TTC34: variants seen among roughly 807,000 people sequenced by gnomAD.
TTC34 encodes the protein tetratricopeptide repeat protein 34.
A neutral mutation model predicts 40.7 loss-of-function variants in TTC34; 44 were observed. The observed-to-expected ratio is 1.08, with a 90% confidence interval of 0.85 to 1.39. The LOEUF (loss-of-function observed/expected upper bound fraction) is 1.39, where lower values mean the gene tolerates loss of function less well. Among genes scored for constraint, TTC34 ranks in the 40% most tolerant of loss-of-function variants. TTC34 has a pLI of 0.00. For synonymous variants in TTC34, 422 were observed against 398.6 expected, an observed-to-expected ratio of 1.06 and a Z score of -0.70; for missense variants, 884 against 838.0, an observed-to-expected ratio of 1.05 and a Z score of -0.68.
chr1:2,652,394 C>G (rs1487638525), intron 6 of TTC34, among the ~76,000 whole-genome samples: 1 of 149,514 alleles, frequency 6.7e-6, no homozygotes, highest in African/African-American at 2.5e-5. Context: ...CAGCCTGGAG[C>G]AGCACGCACA....
chr1:2,797,860 T>A (rs990195911), intron 2 of TTC34, among the ~76,000 whole-genome samples: 9 of 151,988 alleles, frequency 5.9e-5, no homozygotes, highest in African/African-American at 2.2e-4. Context: ...TTCCTGACCC[T>A]CCTTCTCTGT....
intron 6 of TTC34, among the ~76,000 whole-genome samples, chr1:2,687,163 A>G (rs1570816815): frequency 7.0e-6 from 1 of 142,158 alleles, no homozygotes; most frequent in South Asian, 2.1e-4. Flanking sequence ...CAGTACCCAC[A>G]CACACAGGCG....
At chr1:2,687,949 C>A (rs1384502170) in intron 6 of TTC34, among the ~76,000 whole-genome samples, 34 of 144,990 alleles carry the variant, frequency 2.3e-4, no homozygotes, top group African/African-American at 7.0e-4. Context: ...CTCTGACAGC[C>A]TGGAACAGCA....
intron 4 of TTC34, among the ~76,000 whole-genome samples, chr1:2,786,951 G>T (rs1643598478): frequency 6.6e-6 from 1 of 152,204 alleles, no homozygotes; most frequent in Non-Finnish European, 1.5e-5. Context: ...CTCACCCCAG[G>T]CCCCAAGGCC....
chr1:2,639,350 A>G (rs899247102), exon 9 of TTC34: 1 of 152,316 alleles, frequency 6.6e-6, no homozygotes, highest in African/African-American at 2.4e-5. Context: ...GCACGGATGG[A>G]TGGGGCAGGA....
At chr1:2,651,912 T>G (rs1639146273) in intron 6 of TTC34, among the ~76,000 whole-genome samples, 1 of 151,606 alleles carries the variant, frequency 6.6e-6, no homozygotes, top group Non-Finnish European at 1.5e-5. Context: ...GAAACTAAGT[T>G]GGCACCCTGC....
intron 2 of TTC34, among the ~76,000 whole-genome samples, chr1:2,798,770 C>T (rs1643739017): frequency 8.3e-6 from 1 of 119,768 alleles, no homozygotes; most frequent in African/African-American, 3.4e-5. Flanking sequence ...TCTCAGCCTC[C>T]AAGCCTCCCA....
chr1:2,791,344 G>A (rs772289159), intron 2 of TTC34, among the ~76,000 whole-genome samples: 1 of 152,198 alleles, frequency 6.6e-6, no homozygotes, highest in Non-Finnish European at 1.5e-5. Flanking sequence ...CGTTCTGAGG[G>A]TCCATCCCAG....
chr1:2,687,007 C>A (rs1354965041), intron 6 of TTC34, among the ~76,000 whole-genome samples: 296 of 111,462 alleles, frequency 2.7e-3, no homozygotes, highest in African/African-American at 7.3e-3. Flanking sequence ...CCCACACCCC[C>A]AGGTGAGCAT....
In TTC34 at chr1:2,796,851, A is replaced by T. The variant is rs1643714075; in HGVS notation, c.784+3193T>A. The stretch of plus-strand genomic sequence containing the variant: ...AAACAAATTTTCCTGCTCACTTTGC[A>T]GCTCTCTCTAACTGGTTCCTGCCCC... On this transcript the variant is annotated intron_variant, in intron 2 of 8. Coordinates refer to ENST00000401095, the Ensembl canonical transcript of TTC34. This position sits in a 1 kb window ranked among gnomAD's most constrained non-coding sequence, Gnocchi z 4.5. 1.3e-5 allele frequency among the ~76,000 whole-genome samples: 2 copies of T among 152,028 alleles called. No homozygotes were observed. The highest frequency in any genetic ancestry group is 1.3e-4 in the Admixed American group (2 of 15,266).
chr1:2,652,390 G>T (rs200569924), intron 6 of TTC34, among the ~76,000 whole-genome samples: 1 of 85,502 alleles, frequency 1.2e-5, no homozygotes. Flanking sequence ...CTGACAGCCT[G>T]GAGCAGCACG....
Position 2,645,234 on chromosome 1 carries a change from C to T in TTC34, c.2497+59G>A, listed in dbSNP as rs1383818565. On this transcript the variant is annotated intron_variant, in intron 7 of 8. Transcript: ENST00000401095. This position sits in a 1 kb window ranked among gnomAD's most constrained non-coding sequence, Gnocchi z 4.7. Reference sequence around the variant, plus strand: ...TTTTTACAGAACAGGATACAGAGGTCAGAGGAGCGGGGACAGAAGCCCAGA... The same window carrying T: ...TTTTTACAGAACAGGATACAGAGGTTAGAGGAGCGGGGACAGAAGCCCAGA... 3.5e-6 allele frequency: 5 copies of T among 1,427,848 alleles called. No homozygotes were observed. In the African/African-American group the frequency reaches 7.2e-5, roughly 21 times the overall value. The allele number at this position is 1,427,848 out of a possible 1,614,324, so 88.4% of individuals were successfully genotyped here.
chr1:2,773,024 G>T (rs1642522743), intron 6 of TTC34, among the ~76,000 whole-genome samples: 1 of 150,514 alleles, frequency 6.6e-6, no homozygotes, highest in Non-Finnish European at 1.5e-5. Flanking sequence ...ACACCCCCAG[G>T]CGAGCATCTG....
intron 7 of TTC34, among the ~76,000 whole-genome samples, chr1:2,644,762 G>A (rs1638984714): frequency 6.6e-6 from 1 of 152,250 alleles, no homozygotes; most frequent in South Asian, 2.1e-4. Flanking sequence ...TGGGCCTGCT[G>A]GCGCAGAGTG....
At chr1:2,757,781 A>G in intron 6 of TTC34, among the ~76,000 whole-genome samples, 1 of 146,978 alleles carries the variant, frequency 6.8e-6, no homozygotes, top group Non-Finnish European at 1.5e-5. Context: ...CCCACGGAGC[A>G]GCACCCACAC....
At chr1:2,653,633 T>C (rs1411611115) in intron 6 of TTC34, among the ~76,000 whole-genome samples, 11 of 138,308 alleles carry the variant, frequency 8.0e-5, no homozygotes, top group African/African-American at 3.0e-4. Context: ...TCTGACAGCC[T>C]GGAGCAGCAT....
Position 2,790,413 on chromosome 1 carries a change from G to A in TTC34, c.785-67C>T, listed in dbSNP as rs1569970690. 9 of 398,146 alleles carry A rather than the reference G, an allele frequency of 2.3e-5. No individual in the cohort carries two copies. In the East Asian group the frequency reaches 3.2e-4, roughly 14 times the overall value. The allele number at this position is 398,146 out of a possible 1,614,324, so 24.7% of individuals were successfully genotyped here. On this transcript the variant is annotated intron_variant, in intron 2 of 8. Transcript: ENST00000401095. ...GACTCCCCGGGGGTGCCACCTGCAA[G>A]TCCCCACCAGGTCCAGGGCTTGGAC...
intron 6 of TTC34, among the ~76,000 whole-genome samples, chr1:2,680,179 AC>A (rs1179925992): frequency 1.3e-4 from 17 of 128,764 alleles, no homozygotes; most frequent in African/African-American, 3.6e-4. Context: ...CAGCACCCAC[AC>A]CCCGAGGTGA....
At chr1:2,687,904 A>C (rs918543813) in intron 6 of TTC34, among the ~76,000 whole-genome samples, 1 of 151,998 alleles carries the variant, frequency 6.6e-6, no homozygotes, top group African/African-American at 2.4e-5. Flanking sequence ...TGAGCATCTG[A>C]CAGACTGGAA....
Sources: gnomAD v4.1 joint callset for allele counts (sites outside exome capture counted in the v4.1 genomes callset) on GRCh38, gnomAD v4.1.1 for gene constraint, Gnocchi (gnomAD v3.1) non-coding constraint, MANE v1.5 for transcripts, NCBI Gene and HGNC (gene_info 2026-07-23, HGNC 2026-07-21) for gene names.